The following JCAD variants were observed in gnomAD, a reference collection of about 807,000 sequenced individuals.
JCAD encodes junctional cadherin 5 associated, also known as junctional cadherin 5-associated protein.
A neutral mutation model predicts 98.0 loss-of-function variants in JCAD; 40 were observed. The ratio of observed to expected loss-of-function variants is 0.41; its 90% confidence interval spans 0.32 to 0.53. The LOEUF (loss-of-function observed/expected upper bound fraction) is 0.53, where lower values mean the gene tolerates loss of function less well. Ranked by LOEUF, JCAD falls within the 20% of genes least tolerant of loss-of-function variation. The probability of loss-of-function intolerance (pLI) is 0.31; values close to 1 mark genes in which losing one functional copy is unlikely to be tolerated. For synonymous variants in JCAD, 691 were observed against 682.3 expected, an observed-to-expected ratio of 1.01 and a Z score of -0.20; for missense variants, 1,705 against 1,738.1, an observed-to-expected ratio of 0.98 and a Z score of 0.34.
chr10:30,063,152 G>GAAA (rs34177789), upstream of JCAD, among the ~76,000 whole-genome samples: 224 of 145,768 alleles, frequency 1.5e-3, no homozygotes, highest in Non-Finnish European at 2.1e-3. Context: ...TTAAACACAG[G>GAAA]AAAAAAAAAA....
intron 1 of JCAD, among the ~76,000 whole-genome samples, chr10:30,075,846 C>T (rs1348651706): frequency 6.6e-6 from 1 of 152,164 alleles, no homozygotes; most frequent in Non-Finnish European, 1.5e-5. Flanking sequence ...AAGGAGCTCC[C>T]ATGCATTTGG....
intron 1 of JCAD, among the ~76,000 whole-genome samples, chr10:30,096,694 G>T (rs1360149664): frequency 2.0e-5 from 3 of 151,390 alleles, no homozygotes; most frequent in African/African-American, 7.3e-5. Context: ...TTCTCCTGAG[G>T]TTGAAGTATA....
rs555803420 is a variant in JCAD, at chr10:30,046,499, C to T, written c.281+1033G>A. On this transcript the variant is annotated intron_variant, in intron 2 of 3. Coordinates refer to ENST00000375377, the MANE Select transcript of JCAD (RefSeq NM_020848.4). ...CAGAAGAAACGTTTTGTTTTACAAA[C>T]GGAGGGGAATACAGAGCCCTTTTCA... is the stretch of plus-strand genomic sequence containing the variant. 5.3e-5 allele frequency among the ~76,000 whole-genome samples: 8 copies of T among 152,214 alleles called. No homozygotes were observed. The East Asian group carries it at 9.6e-4, about 18-fold the overall frequency.
upstream of JCAD, among the ~76,000 whole-genome samples, chr10:30,063,828 G>A (rs12776031): frequency 0.024 from 3,552 of 150,924 alleles, 62 homozygotes; most frequent in Non-Finnish European, 0.037. Context: ...TTTTTTTCAA[G>A]ATGGAGTCTT....
chr10:30,068,183 G>A lies in JCAD; in HGVS notation n.250+1517C>T, dbSNP rs1387287522. ...GCAGGTGGATCACCTGAGGTCAGGA[G>A]TTCGAGACCAGCCTGGCCAACATGG... On this transcript the variant is annotated intron_variant and non_coding_transcript_variant, in intron 2 of 2. Transcript: ENST00000465712. Among the ~76,000 whole-genome samples the A allele has an allele frequency of 2.6e-5, 4 of 152,162 alleles. No individual in the cohort carries two copies. The East Asian group carries it at 5.8e-4, about 22-fold the overall frequency.
chr10:30,043,839 G>A (rs1837286510), intron 2 of JCAD, among the ~76,000 whole-genome samples: 3 of 152,272 alleles, frequency 2.0e-5, no homozygotes, highest in Admixed American at 6.5e-5. Flanking sequence ...TGTGGCTCAA[G>A]CTGGGCTCCC....
Position 30,027,930 on chromosome 10 carries a change from C to G in JCAD, c.2218G>C (p.Asp740His), listed in dbSNP as rs1344004077. 6.2e-7 allele frequency: 1 copy of G among 1,614,104 alleles called. No homozygotes were observed. The highest frequency in any genetic ancestry group is 8.5e-7 in the Non-Finnish European group (1 of 1,180,048). Reference sequence around the variant, plus strand: ...CGGGCACTTGGCCTCTGTTTGTGATCACCGGTAGGGAATGCTGTGTGCGTC... The same window carrying G: ...CGGGCACTTGGCCTCTGTTTGTGATGACCGGTAGGGAATGCTGTGTGCGTC... ...AQTHTAFPTG[D>H]HKQRPSARNL... The change falls in exon 3 of 4, where the codon GAT (aspartate) becomes CAT (histidine). Residue 740 changes from aspartate (D) to histidine (H), a missense_variant. Asp to His is a moderately conservative substitution (Grantham distance 81). Coordinates refer to ENST00000375377, the MANE Select transcript of JCAD (RefSeq NM_020848.4).
chr10:30,069,513 G>A (rs1335558788), intron 2 of JCAD, among the ~76,000 whole-genome samples: 1 of 151,488 alleles, frequency 6.6e-6, no homozygotes, highest in Non-Finnish European at 1.5e-5. Context: ...CTCAACCTGG[G>A]AGGCAGAGGT....
At chr10:30,112,964 T>C (rs955751012) in intron 1 of JCAD, among the ~76,000 whole-genome samples, 4 of 151,908 alleles carry the variant, frequency 2.6e-5, no homozygotes, top group East Asian at 3.9e-4. Context: ...GACTGCTTAA[T>C]GGGCAGAGGG....
intron 1 of JCAD, among the ~76,000 whole-genome samples, chr10:30,079,322 G>C (rs1838034907): frequency 6.7e-6 from 1 of 148,924 alleles, no homozygotes; most frequent in Non-Finnish European, 1.5e-5. Flanking sequence ...ACTCTAGCCT[G>C]GGCGATAGAG....
At chr10:30,038,165 C>G (rs568712933) in intron 2 of JCAD, among the ~76,000 whole-genome samples, 1 of 152,148 alleles carries the variant, frequency 6.6e-6, no homozygotes, top group Non-Finnish European at 1.5e-5. Context: ...TCGGAGGCCA[C>G]GGTCCACCGG....
upstream of JCAD, among the ~76,000 whole-genome samples, chr10:30,064,114 G>A (rs746434514): frequency 6.6e-6 from 1 of 152,078 alleles, no homozygotes; most frequent in Non-Finnish European, 1.5e-5. Flanking sequence ...CCAAGAGATG[G>A]GATCTTTAAG....
chr10:30,014,403 A>T lies in JCAD; in HGVS notation c.*3480T>A, dbSNP rs1352446332. 6.6e-6 allele frequency: 1 copy of T among 152,190 alleles called. No individual in the cohort carries two copies. Among genetic ancestry groups the T allele is most frequent in the East Asian group, 1.9e-4 (1 of 5,192 alleles). The allele number at this position is 152,190 out of a possible 1,614,324, so 9.4% of individuals were successfully genotyped here. On this transcript the variant is annotated 3_prime_UTR_variant, in exon 4 of 4. Coordinates refer to ENST00000375377, the MANE Select transcript of JCAD (RefSeq NM_020848.4). The stretch of plus-strand genomic sequence containing the variant: ...GCTTCTAAGAACTTAGGACATGGGA[A>T]ATGTTTCTCTAAGCTCAAATATGGA...
chr10:30,103,835 G>A (rs543364008), intron 1 of JCAD, among the ~76,000 whole-genome samples: 7 of 150,906 alleles, frequency 4.6e-5, no homozygotes, highest in South Asian at 4.2e-4. Context: ...GGGTTCAAGC[G>A]ATTCTCCTAC....
chr10:30,104,733 T>C (rs933756644), intron 1 of JCAD, among the ~76,000 whole-genome samples: 13 of 152,152 alleles, frequency 8.5e-5, no homozygotes, highest in African/African-American at 3.1e-4. Flanking sequence ...ATAAAAAAAG[T>C]TGAAATTATT....
In JCAD at chr10:30,026,340, G is replaced by A. The variant is rs777337295; in HGVS notation, c.3808C>T (p.Arg1270Trp). The change falls in exon 3 of 4, where the codon CGG becomes TGG. Residue 1270 changes from arginine (R) to tryptophan (W), a missense_variant. Arg to Trp is a moderately radical substitution (Grantham distance 101, BLOSUM62 -3). Around this residue, in one of 3 missense-constraint regions of JCAD, gnomAD observed 1,278 missense variants for 1,243.1 expected, o/e 1.03. Coordinates refer to ENST00000375377, the MANE Select transcript of JCAD (RefSeq NM_020848.4). The stretch of plus-strand genomic sequence containing the variant: ...TTCCTGAAGCTCAGGACTCTCATCC[G>A]TGACACTGAGCTCACCTCTTTCATT... ...MRMKEVSSVSRMRVLSFRNAD... is the reference protein window; with the variant it reads ...MRMKEVSSVSWMRVLSFRNAD... The A allele has an allele frequency of 9.9e-6, 16 of 1,614,028 alleles. No homozygotes were observed. Among genetic ancestry groups the A allele is most frequent in the East Asian group, 6.7e-5 (3 of 44,884 alleles).
In JCAD at chr10:30,022,433, A is replaced by C. The variant is rs77187540; in HGVS notation, c.4045+3670T>G. Among the ~76,000 whole-genome samples, 1,048 of 152,280 alleles carry C rather than the reference A, an allele frequency of 6.9e-3. 6 individuals carry two copies. The highest frequency in any genetic ancestry group is 0.044 in the Middle Eastern group (13 of 294). On this transcript the variant is annotated intron_variant, in intron 3 of 3. Coordinates refer to ENST00000375377, the MANE Select transcript of JCAD (RefSeq NM_020848.4). ...AGGATTCTTATGTTTAAAATGATTA[A>C]ATACATCAAAAGGAAAGCAAAGTCC...
In JCAD at chr10:30,053,559, C is replaced by CAA. The variant is rs374863516; in HGVS notation, c.-59-5690_-59-5689dup. 4.2e-3 allele frequency among the ~76,000 whole-genome samples: 535 copies of CAA among 126,612 alleles called. 4 individuals are homozygous for CAA. The highest frequency in any genetic ancestry group is 0.03 in the South Asian group (108 of 3,558). 83.1% of individuals were successfully genotyped at this position (126,612 alleles called of 152,430 possible). A position where few individuals can be genotyped will look rare whatever the true frequency, so the allele number is the denominator to read the frequency against. On this transcript the variant is annotated intron_variant, in intron 1 of 3. Coordinates refer to ENST00000375377, the MANE Select transcript of JCAD (RefSeq NM_020848.4). ...GGGTGACAGAGCGGATACTCTGTCT[C>CAA]AAAAAAAAAAGAAAAGAAAAGAAAA...
At chr10:30,050,567 C>A (rs1589694464) in intron 1 of JCAD, among the ~76,000 whole-genome samples, 1 of 152,126 alleles carries the variant, frequency 6.6e-6, no homozygotes. Flanking sequence ...AAGGAACAGG[C>A]ATGTGCAGCA....
Sources: allele counts gnomAD v4.1 joint callset (sites outside exome capture counted in the v4.1 genomes callset), GRCh38; gene constraint gnomAD v4.1.1; regional missense constraint gnomAD v4.1.1; transcripts MANE v1.5; gene names NCBI Gene and HGNC (gene_info 2026-07-23, HGNC 2026-07-21).